SLC7A6: variants seen among roughly 807,000 people sequenced by gnomAD.
SLC7A6 encodes the protein solute carrier family 7 member 6.
Under a neutral mutation model 46.6 loss-of-function variants are expected in SLC7A6, and 29 were observed. The observed-to-expected ratio is 0.62, with a 90% CI of 0.46 to 0.85. The LOEUF is 0.85. Ranked by LOEUF, SLC7A6 falls within the 40% of genes least tolerant of loss-of-function variation. The pLI, the probability that SLC7A6 is intolerant of heterozygous loss-of-function variation, is 0.00. For missense variants in SLC7A6, 527 were observed against 647.6 expected, an observed-to-expected ratio of 0.81 and a Z score of 2.02; for synonymous variants, 276 against 257.3, an observed-to-expected ratio of 1.07 and a Z score of -0.70.
At chr16:68,288,392 T>C (rs1031398183) in intron 4 of SLC7A6, among the ~76,000 whole-genome samples, 2 of 152,174 alleles carry the variant, frequency 1.3e-5, no homozygotes, top group African/African-American at 2.4e-5. Flanking sequence ...TATTGTGAAA[T>C]TGGCAGTGTC....
In SLC7A6 at chr16:68,287,739, C is replaced by A; in HGVS notation, c.524-7C>A. 2 of 1,611,764 alleles carry A rather than the reference C, an allele frequency of 1.2e-6. No homozygotes were observed. Among genetic ancestry groups the A allele is most frequent in the South Asian group, 1.1e-5 (1 of 90,924 alleles). On this transcript the variant is annotated splice_region_variant and splice_polypyrimidine_tract_variant and intron_variant, in intron 3 of 10. Coordinates refer to ENST00000219343, the MANE Select transcript of SLC7A6 (RefSeq NM_003983.6). ...GCCTGCCAGTGACTTTGTGGTTTTC[C>A]TCCTAGGTCTGCTGACATTTGTGAA...
In SLC7A6 at chr16:68,284,857, G is replaced by GTATTTTTTT. The variant is rs1285237242; in HGVS notation, c.524-2888_524-2887insATTTTTTTT. The stretch of plus-strand genomic sequence containing the variant: ...CTCTGTCTCTTCTGTGTATTTTCTC[G>GTATTTTTTT]TCTTTTTTTTTTTTTTTTTTAGAGA... On this transcript the variant is annotated intron_variant, in intron 3 of 10. Transcript: ENST00000219343. Among the ~76,000 whole-genome samples, 59 of 30,892 alleles carry GTATTTTTTT rather than the reference G, an allele frequency of 1.9e-3. 1 individual carries two copies. Among genetic ancestry groups the GTATTTTTTT allele is most frequent in the Non-Finnish European group, 2.4e-3 (43 of 18,206 alleles). 20.3% of individuals were successfully genotyped at this position (30,892 alleles called of 152,430 possible). A position where few individuals can be genotyped will look rare whatever the true frequency, so the allele number is the denominator to read the frequency against.
At chr16:68,287,480 A>G (rs761373715) in intron 3 of SLC7A6, 1 of 1,366,446 alleles carries the variant, frequency 7.3e-7, no homozygotes, top group East Asian at 4.0e-5. Flanking sequence ...AATTCCCAGA[A>G]ATGGTGCTAG....
chr16:68,275,394 G>A (rs1040311381), intron 3 of SLC7A6, 145 bp downstream of exon 3: 38 of 962,432 alleles, frequency 3.9e-5, no homozygotes, highest in Non-Finnish European at 5.2e-5. Context: ...TTGGGAGTTC[G>A]AGACCAGCCT....
chr16:68,284,612 T>A, intron 3 of SLC7A6: 1 of 983,182 alleles, frequency 1.0e-6, no homozygotes, highest in Non-Finnish European at 1.2e-6. Flanking sequence ...TATGGCAGGA[T>A]AGAAGGAAGG....
chr16:68,295,702 C>T (rs539663144), intron 8 of SLC7A6, among the ~76,000 whole-genome samples: 1 of 152,318 alleles, frequency 6.6e-6, no homozygotes, highest in Admixed American at 6.5e-5. Flanking sequence ...ACACATTTGA[C>T]CTTGTCCCAG....
rs2042500932 is a variant in SLC7A6 at position 68,264,871 on chromosome 16, G to C, written c.-166+295G>C. The stretch of plus-strand genomic sequence containing the variant: ...GGAGCCAGTCTTGGGGTGTGCTGGC[G>C]ACGCGGCGAGTGTGAGGGAGACCGG... On this transcript the variant is annotated intron_variant, in intron 1 of 10. Coordinates refer to ENST00000219343, the MANE Select transcript of SLC7A6 (RefSeq NM_003983.6). The surrounding 1 kb of genome is among the most constrained non-coding windows in gnomAD (Gnocchi z 5.8). The C allele has an allele frequency of 6.6e-6, 1 of 152,616 alleles. No homozygotes were observed. The highest frequency in any genetic ancestry group is 2.4e-5 in the African/African-American group (1 of 41,454). The allele number at this position is 152,616 out of a possible 1,614,324, so 9.5% of individuals were successfully genotyped here. A position where few individuals can be genotyped will look rare whatever the true frequency, so the allele number is the denominator to read the frequency against.
At chr16:68,291,708 T>G in intron 7 of SLC7A6, 47 bp downstream of exon 7, 1 of 1,549,436 alleles carries the variant, frequency 6.5e-7, no homozygotes, top group Non-Finnish European at 8.9e-7. Context: ...TATTTCATTC[T>G]CTGGGGCTTA....
Position 68,301,161 on chromosome 16 carries a change from T to C in SLC7A6, c.*3833T>C. ...GTGCCGCCCGATATGCTTGATATGC[T>C]TTTCCTTCCACATGTTAAGCTAGGA... On this transcript the variant is annotated 3_prime_UTR_variant, in exon 11 of 11. Transcript: ENST00000219343. The C allele has an allele frequency of 6.7e-7, 1 of 1,484,568 alleles. No homozygotes were observed. Among genetic ancestry groups the C allele is most frequent in the Non-Finnish European group, 9.0e-7 (1 of 1,112,844 alleles). 92.0% of individuals were successfully genotyped at this position (1,484,568 alleles called of 1,614,324 possible).
chr16:68,270,486 G>A (rs527323809), intron 2 of SLC7A6, among the ~76,000 whole-genome samples: 9 of 152,260 alleles, frequency 5.9e-5, no homozygotes, highest in Admixed American at 2.6e-4. Context: ...GCACTACCAA[G>A]AGCGGTTTTC....
At chr16:68,276,680 A>G (rs1354529690) in intron 3 of SLC7A6, among the ~76,000 whole-genome samples, 2 of 152,316 alleles carry the variant, frequency 1.3e-5, no homozygotes, top group East Asian at 3.9e-4. Flanking sequence ...TTTCTAAAAA[A>G]GGGAATAATT....
At position 68,294,714 on chromosome 16, in the gene SLC7A6, C is replaced by T. The variant is rs747393940; in HGVS notation, c.1032C>T (p.Phe344=). 7.4e-6 allele frequency: 12 copies of T among 1,612,360 alleles called. No individual in the cohort carries two copies. In the South Asian group the frequency reaches 9.9e-5, roughly 13 times the overall value. Reference sequence around the variant, plus strand: ...TTTCTCATCCTTCTAGGTTGTTCTTCGTGGGCTCCCGGGAGGGCCACCTAC... The same window carrying T: ...TTTCTCATCCTTCTAGGTTGTTCTTTGTGGGCTCCCGGGAGGGCCACCTAC... The part of the protein sequence containing the change: ...ASIFASSRLF[F]VGSREGHLPD... Residue 344 remains phenylalanine, a synonymous_variant, in exon 8 of 11, where the codon TTC becomes TTT. Transcript: ENST00000219343.
chr16:68,284,649 C>T, intron 3 of SLC7A6: 1 of 985,330 alleles, frequency 1.0e-6, no homozygotes, highest in African/African-American at 1.7e-5. Flanking sequence ...AGACCCAGTG[C>T]CAGTTAGTGG....
chr16:68,273,631 G>A (rs890197743), intron 2 of SLC7A6, among the ~76,000 whole-genome samples: 2 of 152,134 alleles, frequency 1.3e-5, no homozygotes, highest in Non-Finnish European at 2.9e-5. Flanking sequence ...GGGTTGGGAT[G>A]CCCCTGGATG....
intron 1 of SLC7A6, among the ~76,000 whole-genome samples, chr16:68,265,947 G>C (rs903068008): frequency 6.6e-6 from 1 of 152,200 alleles, no homozygotes; most frequent in Middle Eastern, 3.4e-3. Flanking sequence ...GTAATTTCTT[G>C]GATGTATATT....
intron 3 of SLC7A6, among the ~76,000 whole-genome samples, chr16:68,279,835 G>C (rs566113544): frequency 6.6e-6 from 1 of 152,346 alleles, no homozygotes; most frequent in South Asian, 2.1e-4. Flanking sequence ...CTGTAAGTGT[G>C]GGCCCGCCAG....
At chr16:68,282,368 T>G (rs1328349493) in intron 3 of SLC7A6, among the ~76,000 whole-genome samples, 1 of 152,046 alleles carries the variant, frequency 6.6e-6, no homozygotes, top group African/African-American at 2.4e-5. Context: ...CAGGAGTTCA[T>G]GACCAGCCTG....
rs552322234 is a variant in SLC7A6 at position 68,301,508 on chromosome 16, T to G, written c.*4180T>G. ...GGTCTGTTTTTGTTCCCGATTGTAA[T>G]GCAAAATCCTTGCTCAATAAATAAA... On this transcript the variant is annotated 3_prime_UTR_variant, in exon 11 of 11. Coordinates refer to ENST00000219343, the MANE Select transcript of SLC7A6 (RefSeq NM_003983.6). 4.1e-5 allele frequency: 37 copies of G among 896,744 alleles called. No individual in the cohort carries two copies. The African/African-American group carries it at 6.0e-4, about 14-fold the overall frequency. 55.5% of individuals were successfully genotyped at this position (896,744 alleles called of 1,614,324 possible).
intron 3 of SLC7A6, among the ~76,000 whole-genome samples, chr16:68,281,045 T>C (rs1596985959): frequency 6.6e-6 from 1 of 152,236 alleles, no homozygotes; most frequent in East Asian, 1.9e-4. Context: ...CTGTGGCTCC[T>C]TTTAAATGGA....
Sources: gnomAD v4.1 joint callset for allele counts (sites outside exome capture counted in the v4.1 genomes callset) on GRCh38, gnomAD v4.1.1 for gene constraint, Gnocchi (gnomAD v3.1) non-coding constraint, MANE v1.5 for transcripts, NCBI Gene and HGNC (gene_info 2026-07-23, HGNC 2026-07-21) for gene names.